The following ANKRD13C variants were observed in gnomAD, a reference collection of about 807,000 sequenced individuals.
The protein encoded by ANKRD13C is ankyrin repeat domain-containing protein 13C.
ANKRD13C carries 16 observed loss-of-function variants against 65.5 expected under a neutral mutation model. That is an observed-to-expected ratio of 0.24 (90% CI 0.17 to 0.37). The LOEUF (loss-of-function observed/expected upper bound fraction) is 0.37. ANKRD13C is among the 10% of genes least tolerant of loss of function. ANKRD13C has a pLI of 1.00. For synonymous variants in ANKRD13C, 235 were observed against 238.7 expected, an observed-to-expected ratio of 0.98 and a Z score of 0.14; for missense variants, 503 against 655.9, an observed-to-expected ratio of 0.77 and a Z score of 2.55.
At chr1:70,319,000 T>C (rs768231897) in intron 3 of ANKRD13C, among the ~76,000 whole-genome samples, 1 of 152,248 alleles carries the variant, frequency 6.6e-6, no homozygotes, top group African/African-American at 2.4e-5. Flanking sequence ...TTTTAATTAC[T>C]TTCTGATCTA....
chr1:70,338,545 G>A (rs1353325189), intron 1 of ANKRD13C, among the ~76,000 whole-genome samples: 4 of 151,986 alleles, frequency 2.6e-5, no homozygotes, highest in African/African-American at 9.7e-5. Context: ...GATTACAGGC[G>A]AGTACCACTA....
intron 9 of ANKRD13C, among the ~76,000 whole-genome samples, chr1:70,282,147 C>G (rs892496723): frequency 6.6e-6 from 1 of 150,600 alleles, no homozygotes; most frequent in Non-Finnish European, 1.5e-5. Context: ...CTCTGCCTCC[C>G]AGGTTCATGC....
chr1:70,313,662 T>G, intron 5 of ANKRD13C, 83 bp downstream of exon 5: 1 of 1,040,690 alleles, frequency 9.6e-7, no homozygotes, highest in African/African-American at 1.6e-5. Context: ...TTTGTTATCC[T>G]AACATTTCTA....
chr1:70,352,339 C>CAAAA (rs397965041), intron 1 of ANKRD13C, among the ~76,000 whole-genome samples: 868 of 60,692 alleles, frequency 0.014, 27 homozygotes, highest in Non-Finnish European at 0.021. Context: ...GACTCCGTCT[C>CAAAA]AAAAAAAAAA....
At chr1:70,347,447 C>T (rs919191906) in intron 1 of ANKRD13C, among the ~76,000 whole-genome samples, 1 of 152,152 alleles carries the variant, frequency 6.6e-6, no homozygotes, top group African/African-American at 2.4e-5. Context: ...ACTCAATTCT[C>T]CAATGAGTCC....
At chr1:70,311,993 C>A (rs1680868497) in intron 5 of ANKRD13C, among the ~76,000 whole-genome samples, 1 of 152,118 alleles carries the variant, frequency 6.6e-6, no homozygotes, top group African/African-American at 2.4e-5. Context: ...AGGCCAGATT[C>A]TTTCTCAAGA....
intron 12 of ANKRD13C, among the ~76,000 whole-genome samples, chr1:70,266,307 T>G (rs1005102765): frequency 1.3e-5 from 2 of 152,380 alleles, no homozygotes; most frequent in East Asian, 1.9e-4. Flanking sequence ...GGTTGTTTCA[T>G]GTATTAGCAG....
rs572383045 is a variant in ANKRD13C, at chr1:70,290,550, T to C, written c.1215+1838A>G. ...CTCTGATTTTTCTCCTTTTTTTTTT[T>C]TTTGTGACAGGATCTCACTGTGTCA... is the stretch of plus-strand genomic sequence containing the variant. On this transcript the variant is annotated intron_variant, in intron 9 of 12. Transcript: ENST00000370944. Among the ~76,000 whole-genome samples, 168 of 151,996 alleles carry C rather than the reference T, an allele frequency of 1.1e-3. 1 individual carries two copies. Among genetic ancestry groups the C allele is most frequent in the Non-Finnish European group, 1.9e-3 (128 of 67,950 alleles).
chr1:70,310,798 G>A (rs1680815102), intron 5 of ANKRD13C, among the ~76,000 whole-genome samples: 1 of 152,170 alleles, frequency 6.6e-6, no homozygotes, highest in African/African-American at 2.4e-5. Flanking sequence ...AAGCAGGACT[G>A]GGGTCTCCCC....
At chr1:70,348,046 G>C (rs1682602169) in intron 1 of ANKRD13C, among the ~76,000 whole-genome samples, 1 of 152,032 alleles carries the variant, frequency 6.6e-6, no homozygotes, top group African/African-American at 2.4e-5. Context: ...GGTTAAAATT[G>C]TTCACCAGTA....
intron 9 of ANKRD13C, among the ~76,000 whole-genome samples, chr1:70,280,429 G>A (rs1283840872): frequency 6.6e-6 from 1 of 152,192 alleles, no homozygotes; most frequent in African/African-American, 2.4e-5. Context: ...CTAGTTGTAT[G>A]AGTAGTATAC....
chr1:70,289,924 C>T (rs893933730), intron 9 of ANKRD13C, among the ~76,000 whole-genome samples: 6 of 152,184 alleles, frequency 3.9e-5, no homozygotes, highest in Admixed American at 1.3e-4. Flanking sequence ...GACAGCAGCC[C>T]TGTCAAAGAC....
At chr1:70,330,617 A>G (rs1307416179) in intron 2 of ANKRD13C, among the ~76,000 whole-genome samples, 1 of 151,576 alleles carries the variant, frequency 6.6e-6, no homozygotes, top group Non-Finnish European at 1.5e-5. Flanking sequence ...TTAATAAGTA[A>G]GAACTATAAA....
At chr1:70,279,402 T>G (rs1487688367) in intron 9 of ANKRD13C, among the ~76,000 whole-genome samples, 1 of 151,876 alleles carries the variant, frequency 6.6e-6, no homozygotes, top group Non-Finnish European at 1.5e-5. Flanking sequence ...CTTGGAAACC[T>G]AAAATCACTT....
At position 70,300,953 on chromosome 1, in the gene ANKRD13C, G is replaced by C. The variant is rs111323234; in HGVS notation, c.777-45C>G. 2.1e-5 allele frequency: 32 copies of C among 1,559,202 alleles called. No homozygotes were observed. In the African/African-American group the frequency reaches 3.2e-4, roughly 16 times the overall value. Reference sequence around the variant, plus strand: ...GATAAACTCTGACAAATATAATTTTGATAAAACTTCACTAATAATTAAATA... The same window carrying C: ...GATAAACTCTGACAAATATAATTTTCATAAAACTTCACTAATAATTAAATA... On this transcript the variant is annotated intron_variant, in intron 6 of 12. Transcript: ENST00000370944.
At chr1:70,338,972 C>T (rs75415302) in intron 1 of ANKRD13C, among the ~76,000 whole-genome samples, 107 of 152,178 alleles carry the variant, frequency 7.0e-4, no homozygotes, top group African/African-American at 2.5e-3. Context: ...CTACAGTCAC[C>T]GTACTTTGGA....
Position 70,274,885 on chromosome 1 carries a change from C to G in ANKRD13C, c.1296-67G>C, listed in dbSNP as rs192341655. 2.9e-4 allele frequency: 283 copies of G among 961,552 alleles called. 2 individuals are homozygous for G. The highest frequency in any genetic ancestry group is 1.9e-3 in the South Asian group (141 of 73,530). The allele number at this position is 961,552 out of a possible 1,614,324, so 59.6% of individuals were successfully genotyped here. On this transcript the variant is annotated intron_variant, in intron 10 of 12. Transcript: ENST00000370944. ...AGTCTATCACCTTCCTAAGAAGCAT[C>G]TGTCATCTTTCAATGACATTCATTA... is the stretch of plus-strand genomic sequence containing the variant.
At chr1:70,326,386 A>G (rs1185332650) in intron 2 of ANKRD13C, among the ~76,000 whole-genome samples, 1 of 152,050 alleles carries the variant, frequency 6.6e-6, no homozygotes, top group Admixed American at 6.6e-5. Context: ...CATAATTCCT[A>G]TGTTGGAATA....
At chr1:70,331,982 A>T (rs1408197195) in intron 2 of ANKRD13C, among the ~76,000 whole-genome samples, 1 of 152,174 alleles carries the variant, frequency 6.6e-6, no homozygotes, top group Non-Finnish European at 1.5e-5. Flanking sequence ...ACAAACACAT[A>T]CATAAAGATC....
Sources: allele counts gnomAD v4.1 joint callset (sites outside exome capture counted in the v4.1 genomes callset), GRCh38; gene constraint gnomAD v4.1.1; transcripts MANE v1.5; gene names NCBI Gene and HGNC (gene_info 2026-07-23, HGNC 2026-07-21).